Variants in TLE1 observed in about 807,000 individuals in gnomAD.
TLE1 encodes transducin-like enhancer protein 1.
A neutral mutation model predicts 89.8 loss-of-function variants in TLE1; 21 were observed. The ratio of observed to expected loss-of-function variants is 0.23; its 90% CI spans 0.17 to 0.34. TLE1 has a LOEUF of 0.34. Ranked by LOEUF, TLE1 falls within the 10% of genes least tolerant of loss-of-function variation. The probability of loss-of-function intolerance (pLI) is 1.00; values close to 1 mark genes in which losing one functional copy is unlikely to be tolerated. For missense variants in TLE1, 795 were observed against 1,031.2 expected (o/e 0.77, Z 3.14); for synonymous variants, 447 against 407.6 (o/e 1.10, Z -1.16).
intron 8 of TLE1, among the ~76,000 whole-genome samples, chr9:81,628,042 G>A (rs557280092): frequency 6.6e-6 from 1 of 152,160 alleles, no homozygotes; most frequent in African/African-American, 2.4e-5. Context: ...AACATACTGA[G>A]ACTCTGACTG....
intron 14 of TLE1, among the ~76,000 whole-genome samples, chr9:81,602,037 G>A (rs187339833): frequency 7.2e-5 from 11 of 152,226 alleles, no homozygotes; most frequent in African/African-American, 2.4e-4. Flanking sequence ...GATGTTTCAC[G>A]GTGCAACTGG....
chr9:81,626,419 T>C (rs927741674), intron 8 of TLE1, among the ~76,000 whole-genome samples: 1 of 152,170 alleles, frequency 6.6e-6, no homozygotes, highest in Non-Finnish European at 1.5e-5. Context: ...GCTGCACTTT[T>C]TGCTACGGTC....
intron 14 of TLE1, among the ~76,000 whole-genome samples, chr9:81,602,464 C>T (rs1192381118): frequency 1.3e-5 from 2 of 152,106 alleles, no homozygotes; most frequent in Middle Eastern, 3.2e-3. Flanking sequence ...CTGTTTCATA[C>T]AGACCTTATG....
At chr9:81,685,598 C>T in intron 4 of TLE1, 78 bp downstream of exon 4, 40 of 1,475,756 alleles carry the variant, frequency 2.7e-5, no homozygotes, top group Non-Finnish European at 3.5e-5. Flanking sequence ...CTAGAGCCCA[C>T]TACTGAGAAC....
At chr9:81,615,914 T>G in intron 11 of TLE1, 68 bp downstream of exon 11, 2 of 1,589,518 alleles carry the variant, frequency 1.3e-6, no homozygotes, top group Non-Finnish European at 1.7e-6. Flanking sequence ...TTCCAATACT[T>G]CAGAGTCCTC....
chr9:81,616,707 A>C lies in TLE1; in HGVS notation c.712-8T>G, dbSNP rs748270335. ...TTTGTCACCATCACTGTCCTGGAAAAAAGAAACATTAACGCCATTTACTAA... is the reference window on the plus strand; with the variant it reads ...TTTGTCACCATCACTGTCCTGGAAACAAGAAACATTAACGCCATTTACTAA... On this transcript the variant is annotated splice_polypyrimidine_tract_variant and splice_region_variant and intron_variant, in intron 9 of 19. Transcript: ENST00000376499. 41 of 1,614,030 alleles carry C rather than the reference A, an allele frequency of 2.5e-5. No individual in the cohort carries two copies. Among genetic ancestry groups the C allele is most frequent in the Non-Finnish European group, 3.3e-5 (39 of 1,180,020 alleles).
chr9:81,620,788 G>A, intron 8 of TLE1: 1 of 1,349,570 alleles, frequency 7.4e-7, no homozygotes, highest in Admixed American at 3.1e-5. Context: ...GGATTCTTCA[G>A]GCCTCCTTGG....
At chr9:81,660,113 A>T (rs1472653979) in intron 4 of TLE1, among the ~76,000 whole-genome samples, 1 of 152,148 alleles carries the variant, frequency 6.6e-6, no homozygotes, top group Non-Finnish European at 1.5e-5. Flanking sequence ...AAGCCTTCTC[A>T]ACACAACAAG....
chr9:81,651,742 T>G (rs1328079084), intron 6 of TLE1, among the ~76,000 whole-genome samples: 1 of 152,132 alleles, frequency 6.6e-6, no homozygotes, highest in Non-Finnish European at 1.5e-5. Context: ...TATTTAAAAT[T>G]CTAACCTAAA....
intron 14 of TLE1, among the ~76,000 whole-genome samples, chr9:81,596,121 CG>C (rs1264313596): frequency 1.3e-5 from 2 of 152,024 alleles, no homozygotes; most frequent in Non-Finnish European, 2.9e-5. Context: ...ATAGATGCAC[CG>C]AGTAACAGAC....
intron 15 of TLE1, among the ~76,000 whole-genome samples, chr9:81,592,635 T>G (rs1829705025): frequency 6.6e-6 from 1 of 152,122 alleles, no homozygotes; most frequent in East Asian, 1.9e-4. Context: ...TTATCAAATA[T>G]TTACTATTCT....
chr9:81,619,352 C>T (rs1475499436), intron 9 of TLE1, among the ~76,000 whole-genome samples: 2 of 152,146 alleles, frequency 1.3e-5, no homozygotes, highest in Non-Finnish European at 2.9e-5. Context: ...GGTGGGTTTG[C>T]ACATCTTAGC....
intron 14 of TLE1, among the ~76,000 whole-genome samples, chr9:81,605,342 T>C (rs1299274831): frequency 6.6e-6 from 1 of 152,146 alleles, no homozygotes; most frequent in African/African-American, 2.4e-5. Flanking sequence ...TTAGGGCTGT[T>C]GACTCTTGTA....
At chr9:81,625,911 T>TAAAAAAAAAAACAAAAAAAAAAAA (rs1825838552) in intron 8 of TLE1, among the ~76,000 whole-genome samples, 1 of 87,846 alleles carries the variant, frequency 1.1e-5, no homozygotes, top group Non-Finnish European at 2.0e-5. Flanking sequence ...CAGAAACTAC[T>TAAAAAAAAAAACAAAAAAAAAAAA]AAAAAAAAAA....
At chr9:81,682,709 C>CCTAA (rs1213110537) in intron 4 of TLE1, among the ~76,000 whole-genome samples, 1 of 152,028 alleles carries the variant, frequency 6.6e-6, no homozygotes, top group Non-Finnish European at 1.5e-5. Context: ...TTTAATGCAC[C>CCTAA]CTAACACTCT....
chr9:81,610,359 A>C (rs1823541844), intron 13 of TLE1, 63 bp from the exon 14 acceptor site: 1 of 1,210,124 alleles, frequency 8.3e-7, no homozygotes, highest in Non-Finnish European at 1.2e-6. Flanking sequence ...GTGAACATCA[A>C]TACTGTTCAT....
intron 6 of TLE1, among the ~76,000 whole-genome samples, chr9:81,643,526 G>A (rs189242311): frequency 1.5e-4 from 23 of 151,846 alleles, no homozygotes; most frequent in East Asian, 7.8e-4. Context: ...ATGAGCCACC[G>A]CACCCAGCCC....
At chr9:81,655,721 G>A (rs183919243) in intron 4 of TLE1, among the ~76,000 whole-genome samples, 17 of 151,924 alleles carry the variant, frequency 1.1e-4, no homozygotes, top group Admixed American at 9.8e-4. Context: ...TTAAAAGCAC[G>A]CAGTCCATGA....
chr9:81,593,918 C>G (rs1829878878), intron 14 of TLE1, among the ~76,000 whole-genome samples: 1 of 152,142 alleles, frequency 6.6e-6, no homozygotes, highest in Admixed American at 6.5e-5. Context: ...TATAAAACAG[C>G]AAAGTGTGCA....
Sources: allele counts gnomAD v4.1 joint callset (sites outside exome capture counted in the v4.1 genomes callset), GRCh38; gene constraint gnomAD v4.1.1; transcripts MANE v1.5; gene names NCBI Gene and HGNC (gene_info 2026-07-23, HGNC 2026-07-21).